The following NID1 variants were observed in gnomAD, a reference collection of about 807,000 sequenced individuals.
NID1 encodes nidogen 1, also known as nidogen-1.
In NID1, 76 loss-of-function variants were observed where a neutral mutation model predicts 130.6. The observed-to-expected ratio is 0.58, with a 90% CI of 0.48 to 0.70. The LOEUF (loss-of-function observed/expected upper bound fraction) is 0.70, where lower values mean the gene tolerates loss of function less well. NID1 is among the 30% of genes least tolerant of loss of function. The probability of loss-of-function intolerance (pLI) is 0.00; values close to 1 mark genes in which losing one functional copy is unlikely to be tolerated. For missense variants in NID1, 1,517 were observed against 1,664.8 expected (o/e 0.91, Z 1.54); for synonymous variants, 665 against 675.1 (o/e 0.98, Z 0.23).
intron 6 of NID1, among the ~76,000 whole-genome samples, chr1:236,031,907 T>C (rs1462054617): frequency 6.6e-6 from 1 of 152,238 alleles, no homozygotes; most frequent in East Asian, 1.9e-4. Context: ...CTGAGGATTA[T>C]GTTTATGCAG....
At chr1:236,017,542 C>A (rs745354758) in intron 9 of NID1, among the ~76,000 whole-genome samples, 1 of 150,258 alleles carries the variant, frequency 6.7e-6, no homozygotes, top group African/African-American at 2.4e-5. Context: ...TGTGCCACCA[C>A]GCCTGGCCAA....
In NID1 at chr1:236,011,934, A is replaced by T; in HGVS notation, c.2514T>A (p.Arg838=). 6.2e-7 allele frequency: 1 copy of T among 1,614,034 alleles called. No homozygotes were observed. The highest frequency in any genetic ancestry group is 1.1e-5 in the South Asian group (1 of 91,066). The change falls in exon 12 of 20, where the codon CGT becomes CGA. Residue 838 remains arginine (R), a synonymous_variant. Transcript: ENST00000264187. Reference sequence around the variant, plus strand: ...CCACCACCTTACCTCCGGGCACGCAACGGAAGCCGTCTCCCTGATAACCAG... The same window carrying T: ...CCACCACCTTACCTCCGGGCACGCATCGGAAGCCGTCTCCCTGATAACCAG... ...CKPGYQGDGF[R]CVPGEVEKTR...
At chr1:236,011,682 C>G (rs961241553) in intron 12 of NID1, among the ~76,000 whole-genome samples, 1 of 152,232 alleles carries the variant, frequency 6.6e-6, no homozygotes, top group African/African-American at 2.4e-5. Context: ...CTCCATGGAG[C>G]CTCCTACTTT....
At chr1:236,025,073 C>A (rs1319923148) in intron 8 of NID1, among the ~76,000 whole-genome samples, 1 of 151,498 alleles carries the variant, frequency 6.6e-6, no homozygotes, top group Non-Finnish European at 1.5e-5. Flanking sequence ...GCCTCAGCCG[C>A]CCCGAGTAGC....
intron 1 of NID1, among the ~76,000 whole-genome samples, chr1:236,059,156 G>A (rs1439279580): frequency 6.6e-6 from 1 of 152,186 alleles, no homozygotes; most frequent in Non-Finnish European, 1.5e-5. Flanking sequence ...ACATTTGCTG[G>A]AGTCCGTAAC....
At chr1:236,012,558 C>CAAAAAAAAAAAAAAA (rs56183830) in intron 11 of NID1, among the ~76,000 whole-genome samples, 3 of 98,084 alleles carry the variant, frequency 3.1e-5, no homozygotes, top group East Asian at 2.7e-4. Flanking sequence ...AATGCCATCT[C>CAAAAAAAAAAAAAAA]AAAAAAAAAA....
chr1:235,993,707 C>T lies in NID1; in HGVS notation c.2693G>A (p.Cys898Tyr). 3 of 1,608,634 alleles carry T rather than the reference C, an allele frequency of 1.9e-6. No individual in the cohort carries two copies. The highest frequency in any genetic ancestry group is 2.5e-6 in the Non-Finnish European group (3 of 1,176,580). Reference sequence around the variant, plus strand: ...CACCTCGCGGCCGTCGCGATCCACGCACCAGCAGTAGCCGGTGCTGCCGTG... The same window carrying T: ...CACCTCGCGGCCGTCGCGATCCACGTACCAGCAGTAGCCGGTGCTGCCGTG... The part of the protein sequence containing the change: ...QCHGSTGYCW[C>Y]VDRDGREVEG... Residue 898 changes from cysteine to tyrosine, a missense_variant, in exon 13 of 20, where the codon TGC (cysteine) becomes TAC (tyrosine). Cys to Tyr is a radical substitution (Grantham distance 194). Coordinates refer to ENST00000264187, the MANE Select transcript of NID1 (RefSeq NM_002508.3).
chr1:236,045,720 A>ATC, intron 2 of NID1, 37 bp from the exon 3 acceptor site: 1 of 1,495,784 alleles, frequency 6.7e-7, no homozygotes, highest in Admixed American at 1.9e-5. Flanking sequence ...ACTCGGAAAA[A>ATC]TATCGATAGA....
At chr1:236,031,254 G>A (rs1659090120) in intron 6 of NID1, among the ~76,000 whole-genome samples, 1 of 152,054 alleles carries the variant, frequency 6.6e-6, no homozygotes, top group African/African-American at 2.4e-5. Context: ...GAGTAGCTGG[G>A]ACTGCAGGTG....
At chr1:236,021,354 C>T (rs1658757478) in intron 9 of NID1, among the ~76,000 whole-genome samples, 1 of 152,244 alleles carries the variant, frequency 6.6e-6, no homozygotes, top group South Asian at 2.1e-4. Context: ...AGACTGAATT[C>T]TACCACATAT....
At chr1:236,051,174 T>C (rs527385566) in intron 1 of NID1, among the ~76,000 whole-genome samples, 8 of 152,264 alleles carry the variant, frequency 5.3e-5, no homozygotes, top group African/African-American at 1.9e-4. Context: ...GGGCTGCAGA[T>C]TGGAAAAACA....
intron 9 of NID1, among the ~76,000 whole-genome samples, chr1:236,020,823 C>A (rs370141756): frequency 6.6e-6 from 1 of 152,184 alleles, no homozygotes; most frequent in African/African-American, 2.4e-5. Context: ...TCGCATTCCA[C>A]GGAGGTAATA....
chr1:236,056,567 A>G (rs146387564), intron 1 of NID1, among the ~76,000 whole-genome samples: 14 of 152,332 alleles, frequency 9.2e-5, no homozygotes, highest in African/African-American at 3.1e-4. Context: ...TCTGCTACCA[A>G]ACACTAGAAC....
chr1:236,060,148 C>G (rs1034008828), intron 1 of NID1, among the ~76,000 whole-genome samples: 1 of 151,922 alleles, frequency 6.6e-6, no homozygotes, highest in Non-Finnish European at 1.5e-5. Context: ...CAGAGCAGCC[C>G]CAAGGGCTGC....
At chr1:236,039,149 T>C (rs1659369751) in intron 4 of NID1, among the ~76,000 whole-genome samples, 1 of 144,662 alleles carries the variant, frequency 6.9e-6, no homozygotes, top group African/African-American at 2.5e-5. Flanking sequence ...TATTACATTA[T>C]AATACATTAT....
intron 2 of NID1, among the ~76,000 whole-genome samples, chr1:236,046,566 G>A (rs1289224452): frequency 6.6e-6 from 1 of 151,784 alleles, no homozygotes; most frequent in South Asian, 2.1e-4. Flanking sequence ...GGGAGAGGAC[G>A]TCCCAAACAG....
chr1:235,995,059 CAG>C (rs1010040735), intron 12 of NID1, among the ~76,000 whole-genome samples: 2 of 152,192 alleles, frequency 1.3e-5, no homozygotes, highest in African/African-American at 4.8e-5. Context: ...CTGTACAACT[CAG>C]ATCTTAAGAC....
At chr1:236,044,718 C>T (rs10927327) in intron 3 of NID1, among the ~76,000 whole-genome samples, 74,862 of 152,034 alleles carry the variant, frequency 0.49, 19,136 homozygotes, top group East Asian at 0.68. Context: ...AGGTTTTAAT[C>T]TTCAAAATCC....
intron 12 of NID1, among the ~76,000 whole-genome samples, chr1:235,994,193 G>C (rs891364449): frequency 6.6e-6 from 1 of 152,136 alleles, no homozygotes; most frequent in Non-Finnish European, 1.5e-5. Flanking sequence ...ATGGCGTTTC[G>C]CTCCTGTTGC....
Sources: gnomAD v4.1 joint callset for allele counts (sites outside exome capture counted in the v4.1 genomes callset) on GRCh38, gnomAD v4.1.1 for gene constraint, MANE v1.5 for transcripts, NCBI Gene and HGNC (gene_info 2026-07-23, HGNC 2026-07-21) for gene names.